The following ARAP1 variants were observed in gnomAD, a reference collection of about 807,000 sequenced individuals.
The protein encoded by ARAP1 is ArfGAP with RhoGAP domain, ankyrin repeat and PH domain 1, also known as arf-GAP with Rho-GAP domain, ANK repeat and PH domain-containing protein 1.
ARAP1 carries 76 observed loss-of-function variants against 172.2 expected under a neutral mutation model. The ratio of observed to expected loss-of-function variants is 0.44; its 90% CI spans 0.37 to 0.53. ARAP1 has a LOEUF of 0.53. ARAP1 is among the 20% of genes least tolerant of loss of function. ARAP1 has a pLI of 0.00. For synonymous variants in ARAP1, 804 were observed against 803.3 expected (o/e 1.00, Z -0.01); for missense variants, 1,686 against 1,977.5 (o/e 0.85, Z 2.80).
chr11:72,743,542 G>GGGAC (rs1009148387), intron 1 of ARAP1, among the ~76,000 whole-genome samples: 1 of 152,200 alleles, frequency 6.6e-6, no homozygotes, highest in Non-Finnish European at 1.5e-5. Flanking sequence ...CAGGAGGCTT[G>GGGAC]GGACAGGGGC....
intron 8 of ARAP1, 56 bp downstream of exon 8, chr11:72,711,374 G>A: frequency 6.4e-7 from 1 of 1,573,378 alleles, no homozygotes; most frequent in South Asian, 1.1e-5. Flanking sequence ...TCGCTCCAGT[G>A]TTGGGGCCAG....
chr11:72,689,776 A>G (rs1055141113), intron 30 of ARAP1, among the ~76,000 whole-genome samples: 1 of 152,212 alleles, frequency 6.6e-6, no homozygotes, highest in African/African-American at 2.4e-5. Flanking sequence ...TGTGCCCAGG[A>G]GGGCCTGGAA....
chr11:72,705,811 A>G lies in ARAP1; in HGVS notation c.1803T>C (p.Leu601=). The change falls in exon 13 of 35, where the codon CTT becomes CTC. Residue 601 remains leucine, a synonymous_variant. Transcript: ENST00000393609. ...KMDRKVWTET[L]IELFLQLGNG... is the part of the protein sequence containing the mutation. ...CAAGCAGGGGCATCCCCACCTCGATAAGTGTTTCTGTCCACACCTTCCTGT... is the reference window on the plus strand; with the variant it reads ...CAAGCAGGGGCATCCCCACCTCGATGAGTGTTTCTGTCCACACCTTCCTGT... 6.2e-7 allele frequency: 1 copy of G among 1,614,036 alleles called. No homozygotes were observed. Among genetic ancestry groups the G allele is most frequent in the Non-Finnish European group, 8.5e-7 (1 of 1,179,960 alleles).
intron 16 of ARAP1, among the ~76,000 whole-genome samples, chr11:72,701,318 TGGATA>T (rs1043685212): frequency 1.3e-5 from 2 of 152,074 alleles, no homozygotes; most frequent in Admixed American, 6.6e-5. Flanking sequence ...TGAGATCAGA[TGGATA>T]GGGCTTTCGT....
Position 72,712,261 on chromosome 11 carries a change from A to C in ARAP1, c.957T>G (p.Pro319=). The part of the protein sequence containing the change: ...IAAPHPMDGP[P]GGSTPVTPVI... ...CTGGTGTGACGGGGGTGGAGCCCCC[A>C]GGCGGCCCGTCCATGGGGTGTGGCG... Residue 319 remains proline (P), a synonymous_variant, in exon 7 of 35, where the codon CCT becomes CCG. Transcript: ENST00000393609. 2 of 1,604,416 alleles carry C rather than the reference A, an allele frequency of 1.2e-6. No individual in the cohort carries two copies. The highest frequency in any genetic ancestry group is 1.1e-5 in the South Asian group (1 of 89,892).
intron 1 of ARAP1, among the ~76,000 whole-genome samples, chr11:72,743,320 C>G (rs144462768): frequency 6.6e-6 from 1 of 152,360 alleles, no homozygotes; most frequent in Non-Finnish European, 1.5e-5. Context: ...ATATGTGGCA[C>G]CTTCCAGTGT....
chr11:72,714,314 T>C lies in ARAP1; in HGVS notation c.517A>G (p.Thr173Ala), dbSNP rs1591212202. ...GGCAGCAATGACTCCTCCTCCTTAG[T>C]GGGCAGGCTGGGAACACAACAAAAG... The part of the protein sequence containing the change: ...GPPRLLVSLP[T>A]KEEESLLPSL... Residue 173 changes from threonine (T) to alanine (A), a missense_variant, in exon 4 of 35, where the codon ACT (threonine) becomes GCT (alanine). Thr to Ala is a moderately conservative substitution (Grantham distance 58). Coordinates refer to ENST00000393609, the MANE Select transcript of ARAP1 (RefSeq NM_001040118.3). 6.5e-7 allele frequency: 1 copy of C among 1,547,990 alleles called. No individual in the cohort carries two copies. The highest frequency in any genetic ancestry group is 8.7e-7 in the Non-Finnish European group (1 of 1,145,530).
chr11:72,703,594 TGA>T (rs1417214454), intron 14 of ARAP1, among the ~76,000 whole-genome samples: 1 of 152,094 alleles, frequency 6.6e-6, no homozygotes, highest in Non-Finnish European at 1.5e-5. Flanking sequence ...CTAGCTGGAC[TGA>T]GTCTGCCTGG....
Position 72,699,000 on chromosome 11 carries a change from C to G in ARAP1, c.2541+5G>C, listed in dbSNP as rs1291394273. ...CTTACACCCACCCTGCTACCCCAGG[C>G]TCACCTTAGCAATACACTTGACCCA... On this transcript the variant is annotated splice_donor_5th_base_variant and intron_variant, in intron 18 of 34. Transcript: ENST00000393609. 1 of 1,614,152 alleles carries G rather than the reference C, an allele frequency of 6.2e-7. No individual in the cohort carries two copies. Among genetic ancestry groups the G allele is most frequent in the East Asian group, 2.2e-5 (1 of 44,872 alleles).
intron 15 of ARAP1, among the ~76,000 whole-genome samples, chr11:72,702,026 A>C (rs1856510250): frequency 6.6e-6 from 1 of 152,204 alleles, no homozygotes; most frequent in Non-Finnish European, 1.5e-5. Context: ...CCCTTCCAGG[A>C]AGCCTCCCTG....
At position 72,710,304 on chromosome 11, in the gene ARAP1, A is replaced by G; in HGVS notation, c.1416+81T>C. 1 of 1,530,806 alleles carries G rather than the reference A, an allele frequency of 6.5e-7. No homozygotes were observed. 94.8% of individuals were successfully genotyped at this position (1,530,806 alleles called of 1,614,324 possible). On this transcript the variant is annotated intron_variant, in intron 10 of 34. Coordinates refer to ENST00000393609, the MANE Select transcript of ARAP1 (RefSeq NM_001040118.3). The surrounding 1 kb of genome is among the most constrained non-coding windows in gnomAD (Gnocchi z 4.3). ...AGTGCAGGAAAAGAGGGAACAGAAAAGGCAGGGCTAAGGCCCTAGGTCAGC... is the reference window on the plus strand; with the variant it reads ...AGTGCAGGAAAAGAGGGAACAGAAAGGGCAGGGCTAAGGCCCTAGGTCAGC...
At chr11:72,691,088 C>T (rs572912382) in intron 30 of ARAP1, among the ~76,000 whole-genome samples, 153 of 152,334 alleles carry the variant, frequency 1.0e-3, no homozygotes, top group Non-Finnish European at 6.0e-4. Context: ...AAGTCTGAGA[C>T]TTCCAGGAAT....
rs1329972161 is a variant in ARAP1, at chr11:72,725,623, C to A, written c.509+997G>T. Among the ~76,000 whole-genome samples the A allele has an allele frequency of 6.6e-6, 1 of 151,994 alleles. No individual in the cohort carries two copies. The highest frequency in any genetic ancestry group is 1.5e-5 in the Non-Finnish European group (1 of 68,000). ...AATCTCCCAGACCCTCCCCACAAGG[C>A]CCCCTGAGTATGTCCTTGGCATGGA... On this transcript the variant is annotated intron_variant, in intron 3 of 34. Transcript: ENST00000393609. The surrounding 1 kb of genome is among the most constrained non-coding windows in gnomAD (Gnocchi z 4.3).
chr11:72,711,426 T>C lies in ARAP1; in HGVS notation c.1092+4A>G. ...GGTCGCGTCAGGACTGATGCAGGCC[T>C]CACCTTGTTACTGTCAAAGTATCGC... On this transcript the variant is annotated splice_donor_region_variant and intron_variant, in intron 8 of 34. Coordinates refer to ENST00000393609, the MANE Select transcript of ARAP1 (RefSeq NM_001040118.3). The C allele has an allele frequency of 6.2e-7, 1 of 1,612,098 alleles. No individual in the cohort carries two copies. The highest frequency in any genetic ancestry group is 8.5e-7 in the Non-Finnish European group (1 of 1,178,256).
intron 1 of ARAP1, among the ~76,000 whole-genome samples, chr11:72,739,773 T>C (rs1858146846): frequency 6.6e-6 from 1 of 152,198 alleles, no homozygotes; most frequent in South Asian, 2.1e-4. Context: ...AGGTCTTGGC[T>C]AGTCCTGACC....
Position 72,710,360 on chromosome 11 carries a change from G to A in ARAP1, c.1416+25C>T. The A allele has an allele frequency of 6.2e-7, 1 of 1,611,900 alleles. No individual in the cohort carries two copies. Among genetic ancestry groups the A allele is most frequent in the Non-Finnish European group, 8.5e-7 (1 of 1,178,284 alleles). On this transcript the variant is annotated intron_variant, in intron 10 of 34. Coordinates refer to ENST00000393609, the MANE Select transcript of ARAP1 (RefSeq NM_001040118.3). This position sits in a 1 kb window ranked among gnomAD's most constrained non-coding sequence, Gnocchi z 4.3. ...GCAGGGTAGGTGGACATGGGCAGGG[G>A]AGAGGTTCCATGACCCCTTAGCACC...
intron 27 of ARAP1, among the ~76,000 whole-genome samples, chr11:72,694,532 A>G (rs994901064): frequency 2.6e-5 from 4 of 152,038 alleles, no homozygotes; most frequent in African/African-American, 9.7e-5. Context: ...TTTCCTCCAC[A>G]GCAGTTAATG....
At chr11:72,724,330 C>T (rs1857626296) in intron 3 of ARAP1, among the ~76,000 whole-genome samples, 2 of 152,162 alleles carry the variant, frequency 1.3e-5, no homozygotes, top group South Asian at 4.1e-4. Flanking sequence ...TCAGCCACCA[C>T]ATGACCTTGT....
In ARAP1 at chr11:72,699,595, C is replaced by G; in HGVS notation, c.2303-43G>C. The G allele has an allele frequency of 1.3e-6, 2 of 1,589,734 alleles. No individual in the cohort carries two copies. The highest frequency in any genetic ancestry group is 1.7e-6 in the Non-Finnish European group (2 of 1,168,756). On this transcript the variant is annotated intron_variant, in intron 16 of 34. Transcript: ENST00000393609. This position sits in a 1 kb window ranked among gnomAD's most constrained non-coding sequence, Gnocchi z 4.2. ...AGGGGAGCCATCAGGGAGCCCCCCA[C>G]CACCTGAAAACCACCTCTGCATCCT...
Sources: allele counts gnomAD v4.1 joint callset (sites outside exome capture counted in the v4.1 genomes callset), GRCh38; gene constraint gnomAD v4.1.1; non-coding constraint Gnocchi (gnomAD v3.1); transcripts MANE v1.5; gene names NCBI Gene and HGNC (gene_info 2026-07-23, HGNC 2026-07-21).